Variants in KCNH1 observed in about 807,000 individuals in gnomAD.
The protein encoded by KCNH1 is potassium voltage-gated channel subfamily H member 1.
Under a neutral mutation model 69.2 loss-of-function variants are expected in KCNH1, and 27 were observed. That is an observed-to-expected ratio of 0.39 (90% CI 0.29 to 0.54). The LOEUF (loss-of-function observed/expected upper bound fraction) is 0.54, where lower values mean the gene tolerates loss of function less well. Among genes scored for constraint, KCNH1 ranks in the 20% least tolerant of loss-of-function variants. The pLI is 0.68. For missense variants in KCNH1, 798 were observed against 1,261.6 expected, an observed-to-expected ratio of 0.63 and a Z score of 5.57; for synonymous variants, 456 against 487.7, an observed-to-expected ratio of 0.93 and a Z score of 0.86.
chr1:210,838,291 A>C (rs1685329134), intron 7 of KCNH1, among the ~76,000 whole-genome samples: 1 of 152,238 alleles, frequency 6.6e-6, no homozygotes, highest in South Asian at 2.1e-4. Flanking sequence ...GGCTAGGCAT[A>C]TGCAGAAAAT....
intron 7 of KCNH1, among the ~76,000 whole-genome samples, chr1:210,855,952 T>C (rs1005266845): frequency 6.6e-6 from 1 of 152,196 alleles, no homozygotes; most frequent in African/African-American, 2.4e-5. Flanking sequence ...ATATGCCACC[T>C]GGCTAGCAGG....
intron 10 of KCNH1, among the ~76,000 whole-genome samples, chr1:210,698,962 G>C (rs1218231410): frequency 6.6e-6 from 1 of 152,180 alleles, no homozygotes; most frequent in African/African-American, 2.4e-5. Context: ...TTGAAAATGA[G>C]ACTCTCTTTC....
intron 5 of KCNH1, among the ~76,000 whole-genome samples, chr1:211,037,851 G>A (rs1043456562): frequency 6.6e-6 from 1 of 152,066 alleles, no homozygotes; most frequent in Non-Finnish European, 1.5e-5. Flanking sequence ...CCCAAAGGAA[G>A]GTAAGTGAAT....
intron 7 of KCNH1, among the ~76,000 whole-genome samples, chr1:210,867,834 G>A (rs550681006): frequency 1.3e-5 from 2 of 152,082 alleles, no homozygotes; most frequent in South Asian, 2.1e-4. Flanking sequence ...ATTCAACCAT[G>A]TGTCATGCAT....
intron 7 of KCNH1, chr1:210,859,549 T>C (rs1406841388): frequency 6.3e-7 from 1 of 1,584,098 alleles, no homozygotes; most frequent in African/African-American, 1.3e-5. Flanking sequence ...CTCCAAATAT[T>C]CTTTCCCATC....
intron 7 of KCNH1, chr1:210,862,282 AT>A: frequency 1.1e-6 from 1 of 944,870 alleles, no homozygotes; most frequent in Non-Finnish European, 1.7e-6. Context: ...GTTGGGGTCC[AT>A]TGCAGCATGA....
intron 10 of KCNH1, among the ~76,000 whole-genome samples, chr1:210,704,112 C>G (rs994391681): frequency 1.3e-5 from 2 of 152,108 alleles, no homozygotes; most frequent in African/African-American, 4.8e-5. Context: ...TTCAATCTCC[C>G]TGGGTCAAGG....
chr1:210,802,077 T>C (rs545378849), intron 8 of KCNH1, among the ~76,000 whole-genome samples: 1 of 152,304 alleles, frequency 6.6e-6, no homozygotes, highest in Non-Finnish European at 1.5e-5. Context: ...GATAACAGGG[T>C]TGCTGTGGAG....
intron 7 of KCNH1, chr1:210,860,712 T>A (rs1436835117): frequency 1.3e-6 from 1 of 778,042 alleles, no homozygotes; most frequent in Admixed American, 1.7e-5. Flanking sequence ...TGCTGATAAA[T>A]ACTTGAAGGA....
intron 6 of KCNH1, among the ~76,000 whole-genome samples, chr1:210,937,809 AC>A (rs1316257107): frequency 6.6e-6 from 1 of 152,210 alleles, no homozygotes; most frequent in Non-Finnish European, 1.5e-5. Flanking sequence ...GACTACTACA[AC>A]AATTTAGAAA....
In KCNH1 at chr1:211,013,649, A is replaced by G. The variant is rs899265584; in HGVS notation, c.1032+5134T>C. ...TACCTCAAAACAGCTGCCATCAGGCAAAAGGACAAACTGTCCCTTTCATCT... is the reference window on the plus strand; with the variant it reads ...TACCTCAAAACAGCTGCCATCAGGCGAAAGGACAAACTGTCCCTTTCATCT... On this transcript the variant is annotated intron_variant, in intron 6 of 10. Transcript: ENST00000271751. 5.9e-5 allele frequency among the ~76,000 whole-genome samples: 9 copies of G among 152,356 alleles called. No individual in the cohort carries two copies. In the South Asian group the frequency reaches 1.2e-3, roughly 21 times the overall value.
At chr1:210,715,522 A>C (rs1441782159) in intron 10 of KCNH1, among the ~76,000 whole-genome samples, 1 of 152,092 alleles carries the variant, frequency 6.6e-6, no homozygotes, top group African/African-American at 2.4e-5. Context: ...TTAAACAAAA[A>C]AAAAAAAAAC....
At chr1:210,818,906 T>C (rs985088226) in intron 7 of KCNH1, among the ~76,000 whole-genome samples, 1 of 152,216 alleles carries the variant, frequency 6.6e-6, no homozygotes, top group Non-Finnish European at 1.5e-5. Context: ...GAGAAGTGGG[T>C]GAGCAAGTAG....
chr1:210,769,710 T>C (rs1279184573), intron 10 of KCNH1, among the ~76,000 whole-genome samples: 1 of 152,216 alleles, frequency 6.6e-6, no homozygotes, highest in Non-Finnish European at 1.5e-5. Context: ...TTGTGGTACA[T>C]TGCTTCTACT....
At chr1:210,705,641 G>A (rs1321134326) in intron 10 of KCNH1, among the ~76,000 whole-genome samples, 1 of 152,168 alleles carries the variant, frequency 6.6e-6, no homozygotes, top group African/African-American at 2.4e-5. Flanking sequence ...TATGATAAAA[G>A]GAAAGTGCCC....
intron 4 of KCNH1, among the ~76,000 whole-genome samples, chr1:211,086,114 G>T (rs935129416): frequency 6.6e-5 from 10 of 152,268 alleles, no homozygotes; most frequent in African/African-American, 2.4e-4. Flanking sequence ...GTGTTTCCTT[G>T]TGTCTAGCAC....
At chr1:211,021,548 T>C (rs1689586070) in intron 5 of KCNH1, among the ~76,000 whole-genome samples, 2 of 148,752 alleles carry the variant, frequency 1.3e-5, no homozygotes, top group South Asian at 4.3e-4. Context: ...TTTGCAGATA[T>C]AATCATATAT....
At chr1:210,772,233 C>T (rs576074479) in intron 10 of KCNH1, among the ~76,000 whole-genome samples, 1 of 152,300 alleles carries the variant, frequency 6.6e-6, no homozygotes, top group East Asian at 1.9e-4. Flanking sequence ...AGCTCAGAGT[C>T]TTTGCTGCAC....
At chr1:210,882,437 T>C (rs1223854185) in intron 7 of KCNH1, among the ~76,000 whole-genome samples, 2 of 152,124 alleles carry the variant, frequency 1.3e-5, no homozygotes, top group Non-Finnish European at 2.9e-5. Flanking sequence ...AATCACCTTA[T>C]CCCACCGCCA....
Sources: allele counts gnomAD v4.1 joint callset (sites outside exome capture counted in the v4.1 genomes callset), GRCh38; gene constraint gnomAD v4.1.1; transcripts MANE v1.5; gene names NCBI Gene and HGNC (gene_info 2026-07-23, HGNC 2026-07-21).